The following PRCC variants were observed in gnomAD, a reference collection of about 807,000 sequenced individuals.
PRCC encodes the protein proline-rich protein PRCC.
In PRCC, 10 loss-of-function variants were observed where a neutral mutation model predicts 44.0. The ratio of observed to expected loss-of-function variants is 0.23; its 90% CI spans 0.14 to 0.39. The LOEUF (loss-of-function observed/expected upper bound fraction) is 0.39. Ranked by LOEUF, PRCC falls within the 10% of genes least tolerant of loss-of-function variation. The pLI, the probability that PRCC is intolerant of heterozygous loss-of-function variation, is 1.00. For synonymous variants in PRCC, 278 were observed against 259.5 expected (o/e 1.07, Z -0.69); for missense variants, 573 against 624.7 (o/e 0.92, Z 0.88).
At chr1:156,792,547 A>G (rs1278002713) in intron 4 of PRCC, among the ~76,000 whole-genome samples, 1 of 152,174 alleles carries the variant, frequency 6.6e-6, no homozygotes, top group Non-Finnish European at 1.5e-5. Flanking sequence ...TCCCAGGCTC[A>G]AGTGATTCTT....
chr1:156,784,515 A>C (rs771946773), intron 2 of PRCC, among the ~76,000 whole-genome samples: 1 of 152,204 alleles, frequency 6.6e-6, no homozygotes, highest in East Asian at 1.9e-4. Context: ...ATATGTGACA[A>C]GTCAGACACT....
Position 156,787,122 on chromosome 1 carries a change from A to G in PRCC, c.1031A>G (p.Tyr344Cys), listed in dbSNP as rs1427378083. 3.1e-6 allele frequency: 5 copies of G among 1,613,578 alleles called. No homozygotes were observed. Among genetic ancestry groups the G allele is most frequent in the African/African-American group, 2.7e-5 (2 of 74,894 alleles). ...CCTAAGCCTGGGGACGACTACAGCT[A>G]CAATCAGTTTTCCACATATGGCGAT... ...WMPKPGDDYS[Y>C]NQFSTYGDAN... is the part of the protein sequence containing the mutation. The change falls in exon 3 of 7, where the codon TAC (tyrosine) becomes TGC (cysteine). Residue 344 changes from tyrosine to cysteine, a missense_variant. By Grantham distance (194) the Tyr-to-Cys change is radical (BLOSUM62 -2). Transcript: ENST00000271526.
At chr1:156,791,651 A>C in intron 3 of PRCC, 46 bp from the exon 4 acceptor site, 1 of 1,561,636 alleles carries the variant, frequency 6.4e-7, no homozygotes. Flanking sequence ...TCCCCTCTCC[A>C]ACTGTGCCCT....
Position 156,791,705 on chromosome 1 carries a change from C to T in PRCC, c.1092C>T (p.Tyr364=). The change falls in exon 4 of 7, where the codon TAC becomes TAT. Residue 364 remains tyrosine, a synonymous_variant. Coordinates refer to ENST00000271526, the MANE Select transcript of PRCC (RefSeq NM_005973.5). ...NAAGAYYQDY[Y]SGGYYPAQDP... ...TTCCTGTTTGGCTGCAGGATTATTA[C>T]AGTGGTGGCTACTATCCTGCACAGG... 4.3e-6 allele frequency: 7 copies of T among 1,612,512 alleles called. No individual in the cohort carries two copies. Among genetic ancestry groups the T allele is most frequent in the Non-Finnish European group, 5.9e-6 (7 of 1,179,524 alleles).
intron 1 of PRCC, among the ~76,000 whole-genome samples, chr1:156,779,704 A>T (rs1355106965): frequency 6.6e-6 from 1 of 151,806 alleles, no homozygotes; most frequent in Non-Finnish European, 1.5e-5. Flanking sequence ...TTTTGTAAAA[A>T]ATTTCTGAGT....
At chr1:156,787,207 ATGTTGG>A in intron 3 of PRCC, 33 bp downstream of exon 3, 1 of 1,555,944 alleles carries the variant, frequency 6.4e-7, no homozygotes, top group Non-Finnish European at 8.7e-7. Flanking sequence ...AGGCGAGGGA[ATGTTGG>A]AACATGGTGG....
At chr1:156,769,790 C>T (rs2102750238) in intron 1 of PRCC, among the ~76,000 whole-genome samples, 1 of 152,040 alleles carries the variant, frequency 6.6e-6, no homozygotes, top group South Asian at 2.1e-4. Flanking sequence ...TTAGTAGAGA[C>T]GGGGTTTCAC....
chr1:156,789,115 GC>G (rs1652387384), intron 3 of PRCC, among the ~76,000 whole-genome samples: 1 of 151,878 alleles, frequency 6.6e-6, no homozygotes, highest in African/African-American at 2.4e-5. Flanking sequence ...GATTATATGT[GC>G]CCGCCACCAT....
chr1:156,772,992 A>G (rs903745905), intron 1 of PRCC, among the ~76,000 whole-genome samples: 3 of 152,224 alleles, frequency 2.0e-5, no homozygotes, highest in African/African-American at 7.2e-5. Context: ...AAAACATGGA[A>G]GAGCCTGGGG....
rs374148757 is a variant in PRCC, at chr1:156,791,682, C to A, written c.1084-15C>A. 27 of 1,604,816 alleles carry A rather than the reference C, an allele frequency of 1.7e-5. No individual in the cohort carries two copies. The highest frequency in any genetic ancestry group is 2.3e-5 in the Non-Finnish European group (27 of 1,175,890). On this transcript the variant is annotated splice_polypyrimidine_tract_variant and intron_variant, in intron 3 of 6. Coordinates refer to ENST00000271526, the MANE Select transcript of PRCC (RefSeq NM_005973.5). The stretch of plus-strand genomic sequence containing the variant: ...GCCCTCAGTTGGTGTGTTTTTCTTT[C>A]CTGTTTGGCTGCAGGATTATTACAG...
chr1:156,800,488 C>G lies in PRCC; in HGVS notation c.*28C>G. 6.2e-7 allele frequency: 1 copy of G among 1,611,956 alleles called. No homozygotes were observed. The highest frequency in any genetic ancestry group is 8.5e-7 in the Non-Finnish European group (1 of 1,178,140). ...CTCTGGAACTGATTGCTCCCAGGAT[C>G]TCCTGCCAGCCCAGCTGGCCTGGCC... On this transcript the variant is annotated 3_prime_UTR_variant, in exon 7 of 7. Transcript: ENST00000271526.
chr1:156,794,584 T>G (rs1356566719), intron 4 of PRCC, 81 bp from the exon 5 acceptor site: 2 of 1,524,082 alleles, frequency 1.3e-6, no homozygotes, highest in South Asian at 1.2e-5. Context: ...CACAAAATCA[T>G]TCCATAAACT....
At chr1:156,776,915 A>G (rs1002489908) in intron 1 of PRCC, among the ~76,000 whole-genome samples, 1 of 152,194 alleles carries the variant, frequency 6.6e-6, no homozygotes, top group Admixed American at 6.6e-5. Flanking sequence ...TTAGTTTAGA[A>G]CAGAAAGAAA....
intron 1 of PRCC, among the ~76,000 whole-genome samples, chr1:156,779,036 G>A (rs1192734826): frequency 7.1e-6 from 1 of 140,558 alleles, no homozygotes; most frequent in African/African-American, 2.6e-5. Context: ...CTGACCTCAG[G>A]TGTTCCCCCG....
At chr1:156,780,608 G>A (rs1233686072) in intron 1 of PRCC, among the ~76,000 whole-genome samples, 1 of 151,586 alleles carries the variant, frequency 6.6e-6, no homozygotes, top group African/African-American at 2.4e-5. Flanking sequence ...GTACCACCAC[G>A]CCTGACTAAA....
chr1:156,783,673 G>A (rs1652128865), intron 2 of PRCC, among the ~76,000 whole-genome samples: 1 of 152,022 alleles, frequency 6.6e-6, no homozygotes, highest in South Asian at 2.1e-4. Context: ...TTGAACCCGT[G>A]AGGTGGAAAT....
chr1:156,796,429 C>G (rs780851480), intron 5 of PRCC: 5 of 152,164 alleles, frequency 3.3e-5, no homozygotes, highest in Non-Finnish European at 5.9e-5. Context: ...GATTACAGTA[C>G]AGATTGATGA....
At chr1:156,775,110 T>C (rs1376254132) in intron 1 of PRCC, among the ~76,000 whole-genome samples, 1 of 151,698 alleles carries the variant, frequency 6.6e-6, no homozygotes, top group Non-Finnish European at 1.5e-5. Context: ...TAGCCAAGCG[T>C]GGTGGCGGGT....
chr1:156,776,874 A>T (rs1178460578), intron 1 of PRCC, among the ~76,000 whole-genome samples: 18 of 152,144 alleles, frequency 1.2e-4, no homozygotes, highest in Non-Finnish European at 7.3e-5. Flanking sequence ...AAGACGAGAG[A>T]TGGTGAGGAG....
Sources: gnomAD v4.1 joint callset for allele counts (sites outside exome capture counted in the v4.1 genomes callset) on GRCh38, gnomAD v4.1.1 for gene constraint, MANE v1.5 for transcripts, NCBI Gene and HGNC (gene_info 2026-07-23, HGNC 2026-07-21) for gene names.